Variants in SLC30A9 observed in about 807,000 individuals in gnomAD.
The protein encoded by SLC30A9 is solute carrier family 30 member 9, also known as proton-coupled zinc antiporter SLC30A9, mitochondrial.
SLC30A9 carries 58 observed loss-of-function variants against 87.5 expected under a neutral mutation model. That is an observed-to-expected ratio of 0.66 (90% CI 0.54 to 0.82). The LOEUF is 0.82. Among genes scored for constraint, SLC30A9 ranks in the 40% least tolerant of loss-of-function variants. SLC30A9 has a pLI of 0.00. For missense variants in SLC30A9, 557 were observed against 679.1 expected (o/e 0.82, Z 2.00); for synonymous variants, 234 against 233.0 (o/e 1.00, Z -0.04).
intron 8 of SLC30A9, among the ~76,000 whole-genome samples, chr4:42,048,095 G>A (rs1717243186): frequency 1.3e-5 from 2 of 151,972 alleles, no homozygotes; most frequent in South Asian, 2.1e-4. Context: ...GTGGCTAGGG[G>A]AGGGATAGCA....
chr4:42,083,817 A>G (rs967011624), intron 17 of SLC30A9, among the ~76,000 whole-genome samples: 6 of 152,114 alleles, frequency 3.9e-5, no homozygotes, highest in Non-Finnish European at 7.3e-5. Context: ...GAGACAGGGA[A>G]TAGTTTTAAA....
intron 8 of SLC30A9, among the ~76,000 whole-genome samples, chr4:42,046,638 T>A (rs1717163035): frequency 6.6e-6 from 1 of 152,134 alleles, no homozygotes. Context: ...ATCAATATCA[T>A]GAAAATGGCC....
At chr4:42,061,305 G>A (rs980906646) in intron 10 of SLC30A9, among the ~76,000 whole-genome samples, 43 of 152,180 alleles carry the variant, frequency 2.8e-4, no homozygotes, top group African/African-American at 1.0e-3. Flanking sequence ...ACTATATTTA[G>A]TTTTAATTTA....
intron 1 of SLC30A9, among the ~76,000 whole-genome samples, chr4:41,998,294 T>C (rs978244550): frequency 1.3e-5 from 2 of 152,208 alleles, no homozygotes; most frequent in South Asian, 2.1e-4. Flanking sequence ...ACAGCCCTTA[T>C]ATACACAGCC....
chr4:42,020,006 G>A (rs1217737829), intron 3 of SLC30A9, among the ~76,000 whole-genome samples: 1 of 152,012 alleles, frequency 6.6e-6, no homozygotes. Flanking sequence ...CACCATGTTG[G>A]CCAGGCTGGT....
At chr4:41,998,819 A>G (rs954955574) in intron 1 of SLC30A9, among the ~76,000 whole-genome samples, 44 of 152,286 alleles carry the variant, frequency 2.9e-4, no homozygotes, top group African/African-American at 1.1e-3. Context: ...GTTAGGTATT[A>G]TATTTGTTTT....
intron 8 of SLC30A9, among the ~76,000 whole-genome samples, chr4:42,042,509 G>A (rs1716964066): frequency 6.6e-6 from 1 of 152,198 alleles, no homozygotes; most frequent in Admixed American, 6.5e-5. Flanking sequence ...ACTGTAGCCA[G>A]ACTGCCTCTC....
intron 6 of SLC30A9, 41 bp from the exon 7 acceptor site, chr4:42,035,234 A>C (rs181009860): frequency 3.3e-5 from 51 of 1,558,416 alleles, no homozygotes; most frequent in Admixed American, 1.9e-4. Flanking sequence ...TGTGACTGGT[A>C]AGAATATCTA....
At chr4:41,996,688 G>A (rs1040019683) in intron 1 of SLC30A9, among the ~76,000 whole-genome samples, 23 of 152,262 alleles carry the variant, frequency 1.5e-4, no homozygotes, top group Non-Finnish European at 1.9e-4. Context: ...AGGCTGCAGT[G>A]AACCATGATT....
chr4:42,070,481 A>G, intron 14 of SLC30A9, 45 bp from the exon 15 acceptor site: 15 of 1,499,556 alleles, frequency 1.0e-5, no homozygotes, highest in Non-Finnish European at 1.4e-5. Flanking sequence ...TCACTGAAAT[A>G]ATATAAACTG....
intron 6 of SLC30A9, chr4:42,029,784 C>T: frequency 1.4e-6 from 1 of 733,398 alleles, no homozygotes; most frequent in Middle Eastern, 2.4e-4. Context: ...ACCTAAGTCT[C>T]CCGAGAATGA....
chr4:42,077,982 A>G (rs1718621502), intron 16 of SLC30A9, among the ~76,000 whole-genome samples: 1 of 152,006 alleles, frequency 6.6e-6, no homozygotes, highest in Non-Finnish European at 1.5e-5. Context: ...TTTATTGACT[A>G]TATTATTTCC....
intron 6 of SLC30A9, 48 bp downstream of exon 6, chr4:42,023,432 G>A (rs753880296): frequency 8.3e-7 from 1 of 1,201,808 alleles, no homozygotes; most frequent in Admixed American, 1.7e-5. Flanking sequence ...ATAACTTGTA[G>A]ATGAGAACTG....
chr4:42,083,812 A>C (rs146289878), intron 17 of SLC30A9, among the ~76,000 whole-genome samples: 1 of 152,156 alleles, frequency 6.6e-6, no homozygotes, highest in African/African-American at 2.4e-5. Flanking sequence ...TTCTAGAGAC[A>C]GGGAATAGTT....
At chr4:42,030,234 A>C (rs1407258144) in intron 6 of SLC30A9, 1 of 248,406 alleles carries the variant, frequency 4.0e-6, no homozygotes, top group Non-Finnish European at 7.6e-6. Flanking sequence ...CTTAAAGCAT[A>C]ATCTATATGC....
chr4:42,081,120 C>T (rs1043770471), intron 17 of SLC30A9, among the ~76,000 whole-genome samples: 1 of 152,158 alleles, frequency 6.6e-6, no homozygotes, highest in Non-Finnish European at 1.5e-5. Flanking sequence ...GTTTGTTAAT[C>T]TTTCAAATAA....
Position 42,088,889 on chromosome 4 carries a change from G to C in SLC30A9, c.*2763G>C, listed in dbSNP as rs540764661. 4 of 152,328 alleles carry C rather than the reference G, an allele frequency of 2.6e-5. No individual in the cohort carries two copies. In the East Asian group the frequency reaches 7.7e-4, roughly 29 times the overall value. 9.4% of individuals were successfully genotyped at this position (152,328 alleles called of 1,614,324 possible). On this transcript the variant is annotated 3_prime_UTR_variant, in exon 18 of 18. Transcript: ENST00000264451. ...GCCCCAGAGGTCGAGGCTGCAATGAGCTATGATCATGCCACTCCAGCCTGA... is the reference window on the plus strand; with the variant it reads ...GCCCCAGAGGTCGAGGCTGCAATGACCTATGATCATGCCACTCCAGCCTGA...
intron 14 of SLC30A9, among the ~76,000 whole-genome samples, chr4:42,069,531 CACTT>C (rs1055854234): frequency 3.9e-5 from 6 of 152,132 alleles, no homozygotes; most frequent in African/African-American, 1.4e-4. Context: ...TCATTTTTAA[CACTT>C]AGTATAGATT....
chr4:42,063,580 G>A lies in SLC30A9; in HGVS notation c.1032+459G>A, dbSNP rs567896137. On this transcript the variant is annotated intron_variant, in intron 11 of 17. Transcript: ENST00000264451. ...TAGGAAGCCTGCACTGGGGGAATGG[G>A]AGGATAGCAGGATGATCACCCGTAT... Among the ~76,000 whole-genome samples, 7 of 152,328 alleles carry A rather than the reference G, an allele frequency of 4.6e-5. No individual in the cohort carries two copies. In the South Asian group the frequency reaches 1.4e-3, roughly 32 times the overall value.
Sources: allele counts gnomAD v4.1 joint callset (sites outside exome capture counted in the v4.1 genomes callset), GRCh38; gene constraint gnomAD v4.1.1; transcripts MANE v1.5; gene names NCBI Gene and HGNC (gene_info 2026-07-23, HGNC 2026-07-21).